Variants in ZNF605 observed in about 807,000 individuals in gnomAD.
ZNF605 encodes zinc finger protein 605.
ZNF605 carries 9 observed loss-of-function variants against 7.9 expected under a neutral mutation model. The observed-to-expected ratio is 1.14, with a 90% CI of 0.68 to 1.98. The LOEUF (loss-of-function observed/expected upper bound fraction) is 1.98, where lower values mean the gene tolerates loss of function less well. Among genes scored for constraint, ZNF605 ranks in the 30% most tolerant of loss-of-function variants. The pLI is 0.00. For synonymous variants in ZNF605, 255 were observed against 260.1 expected, an observed-to-expected ratio of 0.98 and a Z score of 0.19; for missense variants, 673 against 762.4, an observed-to-expected ratio of 0.88 and a Z score of 1.38.
At chr12:132,932,114 T>G (rs1952314189) in intron 4 of ZNF605, among the ~76,000 whole-genome samples, 1 of 152,036 alleles carries the variant, frequency 6.6e-6, no homozygotes, top group Non-Finnish European at 1.5e-5. Flanking sequence ...TTGTTAGGTA[T>G]TATTAGTAGT....
At chr12:132,931,716 T>C (rs1952310825) in intron 4 of ZNF605, among the ~76,000 whole-genome samples, 1 of 152,136 alleles carries the variant, frequency 6.6e-6, no homozygotes, top group Admixed American at 6.5e-5. Context: ...TCCCATACCA[T>C]GAGATTCTTC....
rs1305937530 is a variant in ZNF605, at chr12:132,923,315, T to C, written c.*2058A>G. 2 of 152,210 alleles carry C rather than the reference T, an allele frequency of 1.3e-5. No homozygotes were observed. The highest frequency in any genetic ancestry group is 4.8e-5 in the African/African-American group (2 of 41,462). 9.4% of individuals were successfully genotyped at this position (152,210 alleles called of 1,614,324 possible). ...CCTTTGTACAGACCCAAACTTAAGT[T>C]TTGTATTATTTTCCTGCTGCCCTCA... On this transcript the variant is annotated 3_prime_UTR_variant, in exon 5 of 5. Transcript: ENST00000360187.
rs796370078 is a variant in ZNF605, at chr12:132,953,491, A to G, written c.-286+2752T>C. 4.7e-4 allele frequency among the ~76,000 whole-genome samples: 72 copies of G among 152,222 alleles called. 1 individual carries two copies. Among genetic ancestry groups the G allele is most frequent in the African/African-American group, 1.7e-3 (71 of 41,522 alleles). On this transcript the variant is annotated intron_variant, in intron 1 of 4. Transcript: ENST00000360187. ...CATCAGGCTGGAGTGCAGTGGCAAA[A>G]TCTCGGTTCACTGCAACCTCTGCCT... is the stretch of plus-strand genomic sequence containing the variant.
At chr12:132,934,633 A>G (rs1952343709) in intron 3 of ZNF605, among the ~76,000 whole-genome samples, 1 of 150,624 alleles carries the variant, frequency 6.6e-6, no homozygotes, top group Admixed American at 6.6e-5. Flanking sequence ...TTGAACCCAG[A>G]AGGTAGAGGT....
chr12:132,954,766 G>A (rs1369220646), intron 1 of ZNF605, among the ~76,000 whole-genome samples: 2 of 151,770 alleles, frequency 1.3e-5, no homozygotes, highest in Non-Finnish European at 2.9e-5. Context: ...GGGATTGTGG[G>A]GCTCTGCACA....
chr12:132,953,580 C>G (rs1342864485), intron 1 of ZNF605, among the ~76,000 whole-genome samples: 2 of 152,132 alleles, frequency 1.3e-5, no homozygotes, highest in African/African-American at 4.8e-5. Flanking sequence ...GCGCCCACCA[C>G]CATGCCCAGC....
chr12:132,929,958 AATAAAT>A (rs1180846449), intron 4 of ZNF605, among the ~76,000 whole-genome samples: 1 of 152,236 alleles, frequency 6.6e-6, no homozygotes, highest in Non-Finnish European at 1.5e-5. Context: ...TAAATAAATA[AATAAAT>A]ATGTCTATCC....
intron 2 of ZNF605, among the ~76,000 whole-genome samples, chr12:132,947,601 T>C (rs1047630377): frequency 6.6e-6 from 1 of 152,158 alleles, no homozygotes; most frequent in African/African-American, 2.4e-5. Context: ...GTGTGAGCCA[T>C]TGTGTCTGGC....
At position 132,939,821 on chromosome 12, in the gene ZNF605, C is replaced by T. The variant is rs767529962; in HGVS notation, c.15+5800G>A. Among the ~76,000 whole-genome samples the T allele has an allele frequency of 3.2e-4, 48 of 150,870 alleles. 1 individual carries two copies. Among genetic ancestry groups the T allele is most frequent in the Non-Finnish European group, 5.4e-4 (37 of 67,946 alleles). ...TGCTTTTATGAGCTGTAACACTCAC[C>T]GCGAAGATCTGCAGCTTCACTCCTG... On this transcript the variant is annotated intron_variant, in intron 3 of 4. Coordinates refer to ENST00000360187, the MANE Select transcript of ZNF605 (RefSeq NM_183238.4).
In ZNF605 at chr12:132,924,480, G is replaced by A. The variant is rs1351017847; in HGVS notation, c.*893C>T. On this transcript the variant is annotated 3_prime_UTR_variant, in exon 5 of 5. Coordinates refer to ENST00000360187, the MANE Select transcript of ZNF605 (RefSeq NM_183238.4). ...TCAGGGGACTCCCAGCAGACTTCTTGAGCCCTGTATCTAGAAGGATCCCAT... is the reference window on the plus strand; with the variant it reads ...TCAGGGGACTCCCAGCAGACTTCTTAAGCCCTGTATCTAGAAGGATCCCAT... 6.6e-6 allele frequency: 1 copy of A among 152,204 alleles called. No individual in the cohort carries two copies. The highest frequency in any genetic ancestry group is 1.9e-4 in the East Asian group (1 of 5,198). 9.4% of individuals were successfully genotyped at this position (152,204 alleles called of 1,614,324 possible).
At chr12:132,930,525 T>G (rs1348745155) in intron 4 of ZNF605, among the ~76,000 whole-genome samples, 1 of 152,190 alleles carries the variant, frequency 6.6e-6, no homozygotes, top group Non-Finnish European at 1.5e-5. Flanking sequence ...GCCCTCAATA[T>G]AGGTAGGATA....
In ZNF605 at chr12:132,921,429, G is replaced by T. The variant is rs1952204543; in HGVS notation, c.*3944C>A. 6.6e-6 allele frequency: 1 copy of T among 152,108 alleles called. No individual in the cohort carries two copies. The highest frequency in any genetic ancestry group is 6.5e-5 in the Admixed American group (1 of 15,272). 9.4% of individuals were successfully genotyped at this position (152,108 alleles called of 1,614,324 possible). A position where few individuals can be genotyped will look rare whatever the true frequency, so the allele number is the denominator to read the frequency against. ...AATGGCCTTTCCCCTTTAGTCTATGGCAAAATAAAGGGGGGCATGGGAGAA... is the reference window on the plus strand; with the variant it reads ...AATGGCCTTTCCCCTTTAGTCTATGTCAAAATAAAGGGGGGCATGGGAGAA... On this transcript the variant is annotated 3_prime_UTR_variant, in exon 5 of 5. Coordinates refer to ENST00000360187, the MANE Select transcript of ZNF605 (RefSeq NM_183238.4).
intron 2 of ZNF605, among the ~76,000 whole-genome samples, chr12:132,947,620 AT>A (rs1404225483): frequency 6.6e-6 from 1 of 152,122 alleles, no homozygotes; most frequent in Non-Finnish European, 1.5e-5. Context: ...GCCTCGTTTA[AT>A]TTTTATTCAA....
At chr12:132,927,720 G>A (rs1359894693) in intron 4 of ZNF605, among the ~76,000 whole-genome samples, 1 of 150,110 alleles carries the variant, frequency 6.7e-6, no homozygotes, top group Non-Finnish European at 1.5e-5. Context: ...GCAGTGGTGC[G>A]ATCTCAGCTC....
At chr12:132,943,487 A>G (rs2137152766) in intron 3 of ZNF605, among the ~76,000 whole-genome samples, 1 of 152,062 alleles carries the variant, frequency 6.6e-6, no homozygotes, top group African/African-American at 2.4e-5. Context: ...CGGCCAGCAC[A>G]CTCTGGTCTT....
chr12:132,947,257 C>T (rs796847028), intron 2 of ZNF605, among the ~76,000 whole-genome samples: 1,952 of 152,168 alleles, frequency 0.013, 49 homozygotes, highest in African/African-American at 0.045. Flanking sequence ...TCAGGTGATC[C>T]GCCCACCTCA....
At chr12:132,927,808 C>T (rs1952263735) in intron 4 of ZNF605, among the ~76,000 whole-genome samples, 1 of 151,888 alleles carries the variant, frequency 6.6e-6, no homozygotes, top group African/African-American at 2.4e-5. Context: ...AGGTGTGCGC[C>T]ATCACACTTG....
intron 4 of ZNF605, among the ~76,000 whole-genome samples, chr12:132,931,006 T>C (rs1952303223): frequency 6.6e-6 from 1 of 152,062 alleles, no homozygotes; most frequent in South Asian, 2.1e-4. Flanking sequence ...CATAGTGAGA[T>C]CCTGTCTCTC....
Position 132,925,026 on chromosome 12 carries a change from G to T in ZNF605, c.*347C>A, listed in dbSNP as rs1326108041. ...GTCCTTTCTTGAAATCTTCCACTTT[G>T]TTATAAAAAACAATAGAATTTTCTT... On this transcript the variant is annotated 3_prime_UTR_variant, in exon 5 of 5. Coordinates refer to ENST00000360187, the MANE Select transcript of ZNF605 (RefSeq NM_183238.4). The T allele has an allele frequency of 1.1e-5, 2 of 188,606 alleles. No individual in the cohort carries two copies. Among genetic ancestry groups the T allele is most frequent in the African/African-American group, 2.3e-5 (1 of 42,554 alleles). The allele number at this position is 188,606 out of a possible 1,614,324, so 11.7% of individuals were successfully genotyped here.
Sources: gnomAD v4.1 joint callset for allele counts (sites outside exome capture counted in the v4.1 genomes callset) on GRCh38, gnomAD v4.1.1 for gene constraint, MANE v1.5 for transcripts, NCBI Gene and HGNC (gene_info 2026-07-23, HGNC 2026-07-21) for gene names.